SLCO3A1: variants seen among roughly 807,000 people sequenced by gnomAD.
SLCO3A1 encodes solute carrier organic anion transporter family member 3A1.
In SLCO3A1, 27 loss-of-function variants were observed where a neutral mutation model predicts 63.1. The observed-to-expected ratio is 0.43, with a 90% CI of 0.32 to 0.59. The LOEUF (loss-of-function observed/expected upper bound fraction) is 0.59, where lower values mean the gene tolerates loss of function less well. SLCO3A1 is among the 20% of genes least tolerant of loss of function. SLCO3A1 has a pLI of 0.09. For missense variants in SLCO3A1, 773 were observed against 945.8 expected (o/e 0.82, Z 2.40); for synonymous variants, 473 against 409.9 (o/e 1.15, Z -1.86).
chr15:91,881,954 A>G (rs1305940916), intron 1 of SLCO3A1, among the ~76,000 whole-genome samples: 1 of 152,148 alleles, frequency 6.6e-6, no homozygotes, highest in Non-Finnish European at 1.5e-5. Context: ...CTCTTTTACA[A>G]TTGACCCTAT....
chr15:92,166,486 G>A (rs2151608039), downstream of SLCO3A1, among the ~76,000 whole-genome samples: 1 of 152,316 alleles, frequency 6.6e-6, no homozygotes, highest in Non-Finnish European at 1.5e-5. Flanking sequence ...AAGATTGGTT[G>A]AGTGTCATCT....
chr15:92,107,904 A>G (rs923349566), intron 4 of SLCO3A1, among the ~76,000 whole-genome samples: 5 of 152,210 alleles, frequency 3.3e-5, no homozygotes, highest in Admixed American at 2.6e-4. Context: ...CTCAGCTTTC[A>G]CATATGGTGT....
intron 2 of SLCO3A1, among the ~76,000 whole-genome samples, chr15:92,090,943 G>A (rs1010546180): frequency 6.6e-6 from 1 of 152,290 alleles, no homozygotes; most frequent in East Asian, 1.9e-4. Flanking sequence ...CTGAGGCATG[G>A]GAGGTTAAAT....
intron 2 of SLCO3A1, among the ~76,000 whole-genome samples, chr15:92,029,203 T>A (rs188889699): frequency 3.9e-5 from 6 of 152,294 alleles, no homozygotes; most frequent in Non-Finnish European, 8.8e-5. Flanking sequence ...CCTCTTATAC[T>A]TCTATGCCAG....
At chr15:92,043,735 T>C (rs956594288) in intron 2 of SLCO3A1, among the ~76,000 whole-genome samples, 3 of 152,208 alleles carry the variant, frequency 2.0e-5, no homozygotes, top group South Asian at 2.1e-4. Flanking sequence ...ACAACCACTT[T>C]CATAGATTGC....
Position 92,003,477 on chromosome 15 carries a change from C to A in SLCO3A1, c.646+87019C>A, listed in dbSNP as rs142431232. On this transcript the variant is annotated intron_variant, in intron 2 of 9. Transcript: ENST00000318445. ...TTGGCCTCAGCATCTATCAACAGATCTTGTCATTCTGCCTCCCCCTTCCCA... is the reference window on the plus strand; with the variant it reads ...TTGGCCTCAGCATCTATCAACAGATATTGTCATTCTGCCTCCCCCTTCCCA... Among the ~76,000 whole-genome samples, 21 of 152,330 alleles carry A rather than the reference C, an allele frequency of 1.4e-4. No homozygotes were observed. In the East Asian group the frequency reaches 3.5e-3, roughly 25 times the overall value.
At chr15:92,145,987 G>C (rs1056120306) in intron 7 of SLCO3A1, among the ~76,000 whole-genome samples, 3 of 152,110 alleles carry the variant, frequency 2.0e-5, no homozygotes, top group African/African-American at 7.2e-5. Context: ...GTGGGGAGAG[G>C]GGGAGGACCA....
chr15:92,112,036 A>C (rs375820798), intron 4 of SLCO3A1, among the ~76,000 whole-genome samples: 1 of 152,330 alleles, frequency 6.6e-6, no homozygotes, highest in East Asian at 1.9e-4. Context: ...AGAAAGTGGA[A>C]AGGCTCACAG....
At chr15:91,904,055 G>A (rs906851055) in intron 1 of SLCO3A1, among the ~76,000 whole-genome samples, 1 of 58,364 alleles carries the variant, frequency 1.7e-5, no homozygotes, top group South Asian at 1.0e-3. Flanking sequence ...TGTGTTCAGC[G>A]GGAGGGAGGG....
chr15:92,019,035 G>C (rs1484120246), intron 2 of SLCO3A1, among the ~76,000 whole-genome samples: 1 of 152,102 alleles, frequency 6.6e-6, no homozygotes, highest in Non-Finnish European at 1.5e-5. Flanking sequence ...CTAGGAGTGT[G>C]TGCGTCATTA....
intron 2 of SLCO3A1, among the ~76,000 whole-genome samples, chr15:91,964,051 C>T (rs1597164616): frequency 6.6e-6 from 1 of 152,144 alleles, no homozygotes; most frequent in Non-Finnish European, 1.5e-5. Flanking sequence ...CATTTACAGT[C>T]CTTTAGCTAG....
chr15:91,911,429 A>G (rs1366788199), intron 1 of SLCO3A1, among the ~76,000 whole-genome samples: 1 of 151,940 alleles, frequency 6.6e-6, no homozygotes, highest in East Asian at 1.9e-4. Flanking sequence ...TGCAAAATCA[A>G]AGACTCTGGG....
In SLCO3A1 at chr15:92,163,981, C is replaced by T. The variant is rs905336639; in HGVS notation, c.*846C>T. On this transcript the variant is annotated 3_prime_UTR_variant, in exon 10 of 10. Coordinates refer to ENST00000318445, the MANE Select transcript of SLCO3A1 (RefSeq NM_013272.4). ...TGACCCGGCTCAGAGCTGGTGAGAC[C>T]CAACGCAGTCCAAGTCATTTGCTTA... 1.0e-6 allele frequency: 1 copy of T among 985,236 alleles called. No individual in the cohort carries two copies. Among genetic ancestry groups the T allele is most frequent in the African/African-American group, 1.7e-5 (1 of 57,198 alleles). 61.0% of individuals were successfully genotyped at this position (985,236 alleles called of 1,614,324 possible).
intron 6 of SLCO3A1, 79 bp downstream of exon 6, chr15:92,126,338 C>T: frequency 2.4e-6 from 3 of 1,240,072 alleles, no homozygotes; most frequent in Non-Finnish European, 2.4e-6. Context: ...GTTGAGGGAA[C>T]CAGCTTTGTT....
Position 91,892,735 on chromosome 15 carries a change from C to A in SLCO3A1, c.181-23258C>A, listed in dbSNP as rs188006626. On this transcript the variant is annotated intron_variant, in intron 1 of 9. Coordinates refer to ENST00000318445, the MANE Select transcript of SLCO3A1 (RefSeq NM_013272.4). The stretch of plus-strand genomic sequence containing the variant: ...CTCTCTTTATAAATGTCCTTTAACA[C>A]GGGGCCTAGATTCCAGTTCTGATTC... Among the ~76,000 whole-genome samples the A allele has an allele frequency of 2.0e-5, 3 of 152,306 alleles. No homozygotes were observed. The South Asian group carries it at 6.2e-4, about 32-fold the overall frequency.
chr15:91,995,241 C>G (rs115624755), intron 2 of SLCO3A1, among the ~76,000 whole-genome samples: 1 of 152,098 alleles, frequency 6.6e-6, no homozygotes, highest in East Asian at 1.9e-4. Flanking sequence ...GCACAGAGAC[C>G]TGGGTTCAAA....
chr15:92,103,949 G>C (rs564146654), intron 3 of SLCO3A1, among the ~76,000 whole-genome samples: 1 of 152,148 alleles, frequency 6.6e-6, no homozygotes, highest in Non-Finnish European at 1.5e-5. Context: ...ACATTTCCTT[G>C]TGCTTCTTTC....
chr15:92,157,237 A>T (rs574821977), intron 9 of SLCO3A1: 1 of 152,340 alleles, frequency 6.6e-6, no homozygotes, highest in East Asian at 1.9e-4. Flanking sequence ...TCCTGCCCAG[A>T]GGACCTAGGG....
At chr15:92,120,323 C>CGTATCA in intron 4 of SLCO3A1, 142 bp from the exon 5 acceptor site, 1 of 754,648 alleles carries the variant, frequency 1.3e-6, no homozygotes, top group Non-Finnish European at 2.1e-6. Flanking sequence ...AGATTTTGGC[C>CGTATCA]TTAGCAACTG....
Sources: allele counts gnomAD v4.1 joint callset (sites outside exome capture counted in the v4.1 genomes callset), GRCh38; gene constraint gnomAD v4.1.1; transcripts MANE v1.5; gene names NCBI Gene and HGNC (gene_info 2026-07-23, HGNC 2026-07-21).